Variants in HS3ST1 observed in about 807,000 individuals in gnomAD.
HS3ST1 encodes heparan sulfate-glucosamine 3-sulfotransferase 1, also known as heparan sulfate glucosamine 3-O-sulfotransferase 1.
In HS3ST1, 8 loss-of-function variants were observed where a neutral mutation model predicts 20.7. That is an observed-to-expected ratio of 0.39 (90% CI 0.23 to 0.70). The LOEUF (loss-of-function observed/expected upper bound fraction) is 0.70, where lower values mean the gene tolerates loss of function less well. Ranked by LOEUF, HS3ST1 falls within the 30% of genes least tolerant of loss-of-function variation. The probability of loss-of-function intolerance (pLI) is 0.46; values close to 1 mark genes in which losing one functional copy is unlikely to be tolerated. For synonymous variants in HS3ST1, 205 were observed against 190.4 expected, an observed-to-expected ratio of 1.08 and a Z score of -0.63; for missense variants, 436 against 423.4, an observed-to-expected ratio of 1.03 and a Z score of -0.26.
At chr4:11,433,388 T>C (rs1261783505), upstream of HS3ST1, among the ~76,000 whole-genome samples, 2 of 152,208 alleles carry the variant, frequency 1.3e-5, no homozygotes, top group African/African-American at 2.4e-5. Context: ...TAAACAACTA[T>C]AGACAAATAG....
intron 1 of HS3ST1, among the ~76,000 whole-genome samples, chr4:11,424,819 G>C (rs1719021041): frequency 6.6e-6 from 1 of 151,316 alleles, no homozygotes; most frequent in African/African-American, 2.4e-5. Flanking sequence ...CCTAGTTCAG[G>C]GCTGGGAGAT....
upstream of HS3ST1, among the ~76,000 whole-genome samples, chr4:11,431,262 G>C (rs1719200812): frequency 6.7e-6 from 1 of 150,258 alleles, no homozygotes; most frequent in African/African-American, 2.5e-5. Flanking sequence ...TTTGTAAATG[G>C]AACTTCCCTC....
intron 1 of HS3ST1, among the ~76,000 whole-genome samples, chr4:11,422,372 C>A (rs1303203416): frequency 6.6e-6 from 1 of 152,174 alleles, no homozygotes. Context: ...TCCTGGAGCA[C>A]ATATTCTGGT....
In HS3ST1 at chr4:11,396,354, G is replaced by A. The variant is rs1333876124; in HGVS notation, c.*2728C>T. The A allele has an allele frequency of 6.6e-6, 1 of 152,244 alleles. No homozygotes were observed. Among genetic ancestry groups the A allele is most frequent in the Non-Finnish European group, 1.5e-5 (1 of 68,092 alleles). The allele number at this position is 152,244 out of a possible 1,614,324, so 9.4% of individuals were successfully genotyped here. On this transcript the variant is annotated 3_prime_UTR_variant, in exon 2 of 2. Transcript: ENST00000002596. ...GTGTGTGAATATTCCAAATCTAATA[G>A]CTGAGGCTTGGTTCAGTTGTTCTCA...
upstream of HS3ST1, among the ~76,000 whole-genome samples, chr4:11,432,003 G>T (rs1719214767): frequency 6.6e-6 from 1 of 152,080 alleles, no homozygotes; most frequent in Non-Finnish European, 1.5e-5. Flanking sequence ...TATAATTGAG[G>T]GATTTCATTA....
At chr4:11,414,042 T>G (rs563698564) in intron 1 of HS3ST1, 2 of 152,156 alleles carry the variant, frequency 1.3e-5, no homozygotes, top group Non-Finnish European at 2.9e-5. Flanking sequence ...TTTCCTTTCT[T>G]TTTTTTAAAG....
At chr4:11,416,002 T>A (rs1364845335) in intron 1 of HS3ST1, among the ~76,000 whole-genome samples, 1 of 152,084 alleles carries the variant, frequency 6.6e-6, no homozygotes, top group Admixed American at 6.5e-5. Flanking sequence ...TGTAAAAACA[T>A]TCCTAGAACA....
At chr4:11,402,777 C>A (rs529753703) in intron 1 of HS3ST1, among the ~76,000 whole-genome samples, 1 of 152,212 alleles carries the variant, frequency 6.6e-6, no homozygotes, top group Non-Finnish European at 1.5e-5. Context: ...TTCATATTAT[C>A]TGACTGTTTA....
chr4:11,395,054 ATC>A lies in HS3ST1; in HGVS notation c.*4026_*4027del, dbSNP rs774385157. On this transcript the variant is annotated 3_prime_UTR_variant, in exon 2 of 2. Coordinates refer to ENST00000002596, the MANE Select transcript of HS3ST1 (RefSeq NM_005114.4). ...CACATTTGACATGCCACTCAGACAAATCTCTTGCCTACCTCTACCCTCTACCC... is the reference window on the plus strand; with the variant it reads ...CACATTTGACATGCCACTCAGACAAATCTTGCCTACCTCTACCCTCTACCC... 2.0e-5 allele frequency: 3 copies of A among 151,954 alleles called. No individual in the cohort carries two copies. Among genetic ancestry groups the A allele is most frequent in the Non-Finnish European group, 4.4e-5 (3 of 68,016 alleles). The allele number at this position is 151,954 out of a possible 1,614,324, so 9.4% of individuals were successfully genotyped here.
intron 1 of HS3ST1, among the ~76,000 whole-genome samples, chr4:11,428,238 C>G (rs1239413663): frequency 2.6e-5 from 4 of 152,224 alleles, no homozygotes; most frequent in African/African-American, 9.6e-5. Flanking sequence ...TCTCCACCCC[C>G]AAAGGCTCCC....
In HS3ST1 at chr4:11,399,390, A is replaced by C. The variant is rs201942540; in HGVS notation, c.616T>G (p.Phe206Val). ...YHVHMQNWLR[F>V]FPLRHIHIVD... is the part of the protein sequence containing the mutation. ...ATGTGGATGTGGCGCAGCGGGAAAA[A>C]GCGCAGCCAGTTCTGCATGTGCACG... is the stretch of plus-strand genomic sequence containing the variant. The change falls in exon 2 of 2, where the codon TTT becomes GTT. Residue 206 changes from phenylalanine to valine, a missense_variant. Coordinates refer to ENST00000002596, the MANE Select transcript of HS3ST1 (RefSeq NM_005114.4). The surrounding 1 kb of genome is among the most constrained non-coding windows in gnomAD (Gnocchi z 5.1). The C allele has an allele frequency of 5.9e-5, 96 of 1,613,898 alleles. No homozygotes were observed. Among genetic ancestry groups the C allele is most frequent in the Non-Finnish European group, 6.9e-5 (82 of 1,180,024 alleles).
chr4:11,399,647 G>T lies in HS3ST1; in HGVS notation c.359C>A (p.Thr120Asn), dbSNP rs757071088. The change falls in exon 2 of 2, where the codon ACC becomes AAC. Residue 120 changes from threonine to asparagine, a missense_variant. Thr to Asn is a moderately conservative substitution (Grantham distance 65). Coordinates refer to ENST00000002596, the MANE Select transcript of HS3ST1 (RefSeq NM_005114.4). The surrounding 1 kb of genome is among the most constrained non-coding windows in gnomAD (Gnocchi z 5.1). ...SWPHQLTVEK[T>N]PAYFTSPKVP... ...TTTGGGCGACGTGAAATACGCGGGG[G>T]TCTTCTCCACTGTGAGCTGGTGTGG... 2 of 1,613,920 alleles carry T rather than the reference G, an allele frequency of 1.2e-6. No individual in the cohort carries two copies. Among genetic ancestry groups the T allele is most frequent in the South Asian group, 1.1e-5 (1 of 91,086 alleles).
chr4:11,418,946 T>C (rs950263725), intron 1 of HS3ST1, among the ~76,000 whole-genome samples: 1 of 152,026 alleles, frequency 6.6e-6, no homozygotes, highest in African/African-American at 2.4e-5. Flanking sequence ...TCATGAGGTG[T>C]TGTGTTGGGG....
chr4:11,404,038 A>G (rs1466789839), intron 1 of HS3ST1, among the ~76,000 whole-genome samples: 1 of 152,162 alleles, frequency 6.6e-6, no homozygotes, highest in Non-Finnish European at 1.5e-5. Flanking sequence ...TCTAACCTAT[A>G]ATCACTATAT....
chr4:11,411,722 T>C (rs1553857152), intron 1 of HS3ST1, among the ~76,000 whole-genome samples: 1 of 152,210 alleles, frequency 6.6e-6, no homozygotes, highest in Non-Finnish European at 1.5e-5. Flanking sequence ...TTTCTGAATG[T>C]TGATGCAAAA....
chr4:11,419,701 T>TA (rs1718877095), intron 1 of HS3ST1, among the ~76,000 whole-genome samples: 1 of 152,150 alleles, frequency 6.6e-6, no homozygotes, highest in Non-Finnish European at 1.5e-5. Flanking sequence ...ATAAAACGTA[T>TA]ATGGTAGGGG....
intron 1 of HS3ST1, among the ~76,000 whole-genome samples, chr4:11,417,445 A>G (rs1407004149): frequency 6.6e-6 from 1 of 152,206 alleles, no homozygotes; most frequent in Non-Finnish European, 1.5e-5. Context: ...TTAAATGTTA[A>G]TAAATGAGTG....
intron 1 of HS3ST1, among the ~76,000 whole-genome samples, chr4:11,413,725 G>A (rs1237760127): frequency 6.6e-6 from 1 of 152,162 alleles, no homozygotes; most frequent in East Asian, 1.9e-4. Context: ...GGTTAGGGCT[G>A]TGAGAGGGCT....
At position 11,399,070 on chromosome 4, in the gene HS3ST1, G is replaced by A. The variant is rs572965853; in HGVS notation, c.*12C>T. Reference sequence around the variant, plus strand: ...TACAGTAGGAAAGTTTCTGAGCTTAGCTTATTGCAAATCAGTGCCAGTCAA... The same window carrying A: ...TACAGTAGGAAAGTTTCTGAGCTTAACTTATTGCAAATCAGTGCCAGTCAA... On this transcript the variant is annotated 3_prime_UTR_variant, in exon 2 of 2. Coordinates refer to ENST00000002596, the MANE Select transcript of HS3ST1 (RefSeq NM_005114.4). The surrounding 1 kb of genome is among the most constrained non-coding windows in gnomAD (Gnocchi z 5.1). 292 of 1,601,950 alleles carry A rather than the reference G, an allele frequency of 1.8e-4. 4 individuals carry two copies. The Admixed American group carries it at 4.7e-3, about 26-fold the overall frequency.
Sources: allele counts gnomAD v4.1 joint callset (sites outside exome capture counted in the v4.1 genomes callset), GRCh38; gene constraint gnomAD v4.1.1; non-coding constraint Gnocchi (gnomAD v3.1); transcripts MANE v1.5; gene names NCBI Gene and HGNC (gene_info 2026-07-23, HGNC 2026-07-21).